Variants in DOK5 observed in about 807,000 individuals in gnomAD.
The protein encoded by DOK5 is docking protein 5.
Under a neutral mutation model 43.3 loss-of-function variants are expected in DOK5, and 27 were observed. The ratio of observed to expected loss-of-function variants is 0.62; its 90% CI spans 0.46 to 0.86. DOK5 has a LOEUF of 0.86. DOK5 is among the 40% of genes least tolerant of loss of function. The probability of loss-of-function intolerance (pLI) is 0.00; values close to 1 mark genes in which losing one functional copy is unlikely to be tolerated. For synonymous variants in DOK5, 146 were observed against 140.1 expected (o/e 1.04, Z -0.30); for missense variants, 373 against 392.9 (o/e 0.95, Z 0.43).
At chr20:54,593,406 T>G (rs1256454179) in intron 5 of DOK5, among the ~76,000 whole-genome samples, 1 of 152,254 alleles carries the variant, frequency 6.6e-6, no homozygotes, top group Admixed American at 6.5e-5. Flanking sequence ...TGGTCTATTT[T>G]ATTTTTAAGT....
chr20:54,488,166 A>G (rs1982017134), intron 1 of DOK5, among the ~76,000 whole-genome samples: 1 of 152,230 alleles, frequency 6.6e-6, no homozygotes, highest in Non-Finnish European at 1.5e-5. Context: ...CCATTCCACC[A>G]ACAGTGGCCT....
chr20:54,543,446 T>C (rs924741332), intron 1 of DOK5, among the ~76,000 whole-genome samples: 1 of 152,078 alleles, frequency 6.6e-6, no homozygotes, highest in Non-Finnish European at 1.5e-5. Context: ...AGAAGTAGAA[T>C]AGCTCCCACA....
chr20:54,593,960 C>A (rs1986056010), intron 5 of DOK5, among the ~76,000 whole-genome samples: 1 of 151,984 alleles, frequency 6.6e-6, no homozygotes, highest in South Asian at 2.1e-4. Flanking sequence ...CATATGGATA[C>A]ATAGAAGGGA....
intron 2 of DOK5, among the ~76,000 whole-genome samples, chr20:54,567,273 G>T (rs1470963858): frequency 2.6e-5 from 4 of 151,938 alleles, no homozygotes; most frequent in African/African-American, 9.7e-5. Flanking sequence ...CAATCCTAAA[G>T]ATTTTCTTGT....
Position 54,610,413 on chromosome 20 carries a change from T to C in DOK5, c.625T>C (p.Phe209Leu), listed in dbSNP as rs1986608851. The C allele has an allele frequency of 1.9e-6, 3 of 1,588,680 alleles. No homozygotes were observed. The highest frequency in any genetic ancestry group is 1.7e-6 in the Non-Finnish European group (2 of 1,169,150). ...GRMCETGEGL[F>L]IFQTRDGEAI... is the part of the protein sequence containing the mutation. ...GATGTGTGAGACTGGTGAAGGGCTG[T>C]TTATCTTTCAGACCCGAGACGGGGA... The change falls in exon 6 of 8, where the codon TTT becomes CTT. Residue 209 changes from phenylalanine (F) to leucine (L), a missense_variant. Transcript: ENST00000262593.
chr20:54,496,091 G>A (rs1252246477), intron 1 of DOK5, among the ~76,000 whole-genome samples: 1 of 152,178 alleles, frequency 6.6e-6, no homozygotes, highest in East Asian at 1.9e-4. Context: ...TTGAAGCTTA[G>A]TTTTCAGACA....
intron 6 of DOK5, among the ~76,000 whole-genome samples, chr20:54,633,492 G>A (rs1283895701): frequency 6.6e-6 from 1 of 152,154 alleles, no homozygotes; most frequent in African/African-American, 2.4e-5. Flanking sequence ...TTGAAATATT[G>A]ATAGAAAATT....
chr20:54,599,919 T>G (rs990911131), intron 5 of DOK5, among the ~76,000 whole-genome samples: 1 of 152,162 alleles, frequency 6.6e-6, no homozygotes, highest in African/African-American at 2.4e-5. Flanking sequence ...TAGACAATGA[T>G]GAACATTTTA....
chr20:54,639,528 T>C (rs560347537), intron 6 of DOK5, among the ~76,000 whole-genome samples: 10 of 152,356 alleles, frequency 6.6e-5, no homozygotes, highest in Middle Eastern at 3.4e-3. Context: ...AGAACTTCTG[T>C]GTCACCTTAC....
chr20:54,586,860 G>T (rs972908373), intron 2 of DOK5, among the ~76,000 whole-genome samples: 2 of 152,048 alleles, frequency 1.3e-5, no homozygotes, highest in African/African-American at 2.4e-5. Flanking sequence ...ACATGGGAAA[G>T]GTATAGAGAG....
chr20:54,565,503 G>A (rs539217921), intron 2 of DOK5, among the ~76,000 whole-genome samples: 3 of 152,298 alleles, frequency 2.0e-5, no homozygotes, highest in Admixed American at 1.3e-4. Flanking sequence ...AGTGGCTCAC[G>A]CCTGTGATCT....
chr20:54,559,735 A>C (rs1568783509), intron 2 of DOK5, among the ~76,000 whole-genome samples: 1 of 152,228 alleles, frequency 6.6e-6, no homozygotes, highest in Non-Finnish European at 1.5e-5. Flanking sequence ...CATGGAACAA[A>C]TAAATTTAAT....
Position 54,481,764 on chromosome 20 carries a change from C to T in DOK5, c.66+5752C>T, listed in dbSNP as rs111396234. ...GAGCATAGGCTCTGACATGTGACTGCGTTAAAATCCCAACTCACTGGCTGG... is the reference window on the plus strand; with the variant it reads ...GAGCATAGGCTCTGACATGTGACTGTGTTAAAATCCCAACTCACTGGCTGG... On this transcript the variant is annotated intron_variant, in intron 1 of 7. Coordinates refer to ENST00000262593, the MANE Select transcript of DOK5 (RefSeq NM_018431.5). Among the ~76,000 whole-genome samples, 758 of 152,298 alleles carry T rather than the reference C, an allele frequency of 5.0e-3. 4 individuals carry two copies. The highest frequency in any genetic ancestry group is 0.017 in the African/African-American group (695 of 41,566).
intron 5 of DOK5, among the ~76,000 whole-genome samples, chr20:54,605,829 T>C (rs528564554): frequency 6.6e-6 from 1 of 152,372 alleles, no homozygotes; most frequent in East Asian, 1.9e-4. Flanking sequence ...GCTTACATTC[T>C]GGTAAAGTAA....
intron 6 of DOK5, among the ~76,000 whole-genome samples, chr20:54,639,475 C>T (rs1979002206): frequency 6.6e-6 from 1 of 152,202 alleles, no homozygotes; most frequent in South Asian, 2.1e-4. Context: ...GGCCAACCCA[C>T]CCCCTGAATT....
At chr20:54,480,189 G>A (rs962312929) in intron 1 of DOK5, among the ~76,000 whole-genome samples, 3 of 152,194 alleles carry the variant, frequency 2.0e-5, no homozygotes, top group Non-Finnish European at 4.4e-5. Flanking sequence ...ATCTTGAATA[G>A]GAGCTGGGTA....
At chr20:54,536,991 G>A (rs1983982346) in intron 1 of DOK5, among the ~76,000 whole-genome samples, 1 of 152,218 alleles carries the variant, frequency 6.6e-6, no homozygotes, top group South Asian at 2.1e-4. Context: ...CCACTAGGGT[G>A]GTGTCAGAGG....
chr20:54,627,725 G>A (rs1479372936), intron 6 of DOK5, among the ~76,000 whole-genome samples: 1 of 152,156 alleles, frequency 6.6e-6, no homozygotes, highest in African/African-American at 2.4e-5. Context: ...CACAGATTTC[G>A]GGGTTCCACT....
At chr20:54,614,894 C>G (rs1383761296) in intron 6 of DOK5, among the ~76,000 whole-genome samples, 1 of 152,192 alleles carries the variant, frequency 6.6e-6, no homozygotes, top group African/African-American at 2.4e-5. Flanking sequence ...ACATTACTGG[C>G]TCACCCTGCC....
Sources: allele counts gnomAD v4.1 joint callset (sites outside exome capture counted in the v4.1 genomes callset), GRCh38; gene constraint gnomAD v4.1.1; transcripts MANE v1.5; gene names NCBI Gene and HGNC (gene_info 2026-07-23, HGNC 2026-07-21).